DLGAP2: variants seen among roughly 807,000 people sequenced by gnomAD.
DLGAP2 encodes the protein disks large-associated protein 2.
Under a neutral mutation model 100.3 loss-of-function variants are expected in DLGAP2, and 26 were observed. The ratio of observed to expected loss-of-function variants is 0.26; its 90% confidence interval spans 0.19 to 0.36. The LOEUF (loss-of-function observed/expected upper bound fraction) is 0.36. DLGAP2 is among the 10% of genes least tolerant of loss of function. The probability of loss-of-function intolerance (pLI) is 1.00; values close to 1 mark genes in which losing one functional copy is unlikely to be tolerated. For synonymous variants in DLGAP2, 886 were observed against 630.1 expected (o/e 1.41, Z -6.08); for missense variants, 1,858 against 1,453.2 (o/e 1.28, Z -4.53).
intron 2 of DLGAP2, among the ~76,000 whole-genome samples, chr8:1,224,270 A>T (rs1798371999): frequency 1.3e-5 from 2 of 152,220 alleles, no homozygotes; most frequent in South Asian, 4.1e-4. Context: ...CAGGATGAGT[A>T]AGGCACAGTT....
At chr8:907,147 G>A (rs758095986) in intron 1 of DLGAP2, among the ~76,000 whole-genome samples, 7 of 152,194 alleles carry the variant, frequency 4.6e-5, no homozygotes, top group East Asian at 1.9e-4. Context: ...CCCTAGAACA[G>A]GTAATAAGCA....
At chr8:827,970 A>G (rs1427284433) in intron 1 of DLGAP2, among the ~76,000 whole-genome samples, 1 of 152,226 alleles carries the variant, frequency 6.6e-6, no homozygotes, top group African/African-American at 2.4e-5. Context: ...ATGCCCCACA[A>G]GCCACAAAAA....
intron 1 of DLGAP2, among the ~76,000 whole-genome samples, chr8:751,334 T>A (rs565484531): frequency 1.3e-5 from 2 of 150,582 alleles, no homozygotes; most frequent in South Asian, 4.2e-4. Flanking sequence ...AGCATTTTCC[T>A]GGATCTCCGG....
intron 2 of DLGAP2, among the ~76,000 whole-genome samples, chr8:946,151 C>T (rs750474310): frequency 4.1e-4 from 62 of 152,210 alleles, no homozygotes; most frequent in Non-Finnish European, 4.1e-4. Context: ...AAACCCTTAG[C>T]GTGACCCCCT....
intron 1 of DLGAP2, among the ~76,000 whole-genome samples, chr8:748,181 GGT>G (rs1820696361): frequency 1.0e-5 from 1 of 99,770 alleles, no homozygotes; most frequent in Non-Finnish European, 2.1e-5. Context: ...GGGATGGGCG[GGT>G]CTGCGGTGGG....
At chr8:1,350,639 G>A (rs563682792) in intron 3 of DLGAP2, among the ~76,000 whole-genome samples, 1 of 96,392 alleles carries the variant, frequency 1.0e-5, no homozygotes, top group African/African-American at 4.1e-5. Context: ...AAGGCCGTGC[G>A]GGTCCTGACT....
intron 3 of DLGAP2, among the ~76,000 whole-genome samples, chr8:1,412,849 C>G (rs78160993): frequency 0.013 from 2,001 of 148,558 alleles, 29 homozygotes; most frequent in East Asian, 0.062. Context: ...TCAGGGCCAC[C>G]TGCATTTCCT....
chr8:914,927 C>T (rs935813950), intron 2 of DLGAP2, among the ~76,000 whole-genome samples: 24 of 152,220 alleles, frequency 1.6e-4, no homozygotes, highest in African/African-American at 5.5e-4. Flanking sequence ...TTGGCTTTGT[C>T]TGAGGATTCA....
intron 2 of DLGAP2, among the ~76,000 whole-genome samples, chr8:1,145,547 T>C (rs1399184934): frequency 6.6e-6 from 1 of 152,202 alleles, no homozygotes; most frequent in African/African-American, 2.4e-5. Flanking sequence ...TGTTTTCTAG[T>C]TTGAAACTCT....
At chr8:1,504,975 A>T (rs956327574) in intron 4 of DLGAP2, among the ~76,000 whole-genome samples, 3 of 152,184 alleles carry the variant, frequency 2.0e-5, no homozygotes, top group Non-Finnish European at 4.4e-5. Context: ...ATGAAAGGAT[A>T]ATTAAGAGAA....
At chr8:1,028,747 G>A (rs539055719) in intron 2 of DLGAP2, among the ~76,000 whole-genome samples, 86 of 152,350 alleles carry the variant, frequency 5.6e-4, no homozygotes, top group Non-Finnish European at 7.8e-4. Context: ...CGGGGAATTT[G>A]GAGTTTTAAA....
At chr8:1,419,048 C>T (rs1401752125) in intron 3 of DLGAP2, among the ~76,000 whole-genome samples, 15 of 152,260 alleles carry the variant, frequency 9.9e-5, no homozygotes, top group Admixed American at 6.5e-4. Context: ...GTGGACTCTC[C>T]GTGCCCTCTC....
chr8:1,571,976 T>C (rs1802721255), intron 6 of DLGAP2, among the ~76,000 whole-genome samples: 1 of 129,190 alleles, frequency 7.7e-6, no homozygotes, highest in Non-Finnish European at 1.6e-5. Flanking sequence ...GGGCGTCTGA[T>C]GAGATGGAGA....
In DLGAP2 at chr8:1,697,236, G is replaced by A. The variant is rs1299566535; in HGVS notation, c.2886G>A (p.Lys962=). The change falls in exon 14 of 15, where the codon AAG becomes AAA. Residue 962 remains lysine (K), a synonymous_variant. Transcript: ENST00000637795. ...LQLSIEDVSM[K]FDELQRLRLN... Reference sequence around the variant, plus strand: ...TCTCCATTGAGGACGTCAGCATGAAGTTCGACGAGCTGCAGCGGCTGCGGC... The same window carrying A: ...TCTCCATTGAGGACGTCAGCATGAAATTCGACGAGCTGCAGCGGCTGCGGC... The A allele has an allele frequency of 1.2e-6, 2 of 1,611,518 alleles. No individual in the cohort carries two copies. The highest frequency in any genetic ancestry group is 1.7e-6 in the Non-Finnish European group (2 of 1,178,644).
chr8:1,191,466 A>T (rs11987817), intron 2 of DLGAP2, among the ~76,000 whole-genome samples: 2 of 152,088 alleles, frequency 1.3e-5, no homozygotes, highest in African/African-American at 4.8e-5. Flanking sequence ...CACCGCGCCC[A>T]GCCGATACGT....
chr8:1,304,680 T>G (rs1027952494), intron 3 of DLGAP2, among the ~76,000 whole-genome samples: 5 of 152,156 alleles, frequency 3.3e-5, no homozygotes, highest in African/African-American at 1.2e-4. Context: ...TCTGATGAAG[T>G]GGCAGGAGAG....
intron 3 of DLGAP2, among the ~76,000 whole-genome samples, chr8:1,342,557 G>A (rs1801441185): frequency 6.6e-6 from 1 of 152,198 alleles, no homozygotes; most frequent in Non-Finnish European, 1.5e-5. Context: ...TACATTTGTG[G>A]TAGGGTAAGT....
chr8:1,629,153 A>C (rs1486686503), intron 7 of DLGAP2, among the ~76,000 whole-genome samples: 1 of 152,186 alleles, frequency 6.6e-6, no homozygotes, highest in African/African-American at 2.4e-5. Context: ...GGTAGAGTCT[A>C]TTCATTTTGC....
intron 14 of DLGAP2, among the ~76,000 whole-genome samples, chr8:1,700,819 C>T (rs1236054548): frequency 6.6e-6 from 1 of 152,212 alleles, no homozygotes; most frequent in Non-Finnish European, 1.5e-5. Flanking sequence ...AAAACCCTCG[C>T]GATGCTCGGA....
Sources: gnomAD v4.1 joint callset for allele counts (sites outside exome capture counted in the v4.1 genomes callset) on GRCh38, gnomAD v4.1.1 for gene constraint, MANE v1.5 for transcripts, NCBI Gene and HGNC (gene_info 2026-07-23, HGNC 2026-07-21) for gene names.